Variants in ANO4 observed in about 807,000 individuals in gnomAD.
ANO4 encodes anoctamin-4.
Under a neutral mutation model 141.9 loss-of-function variants are expected in ANO4, and 69 were observed. That is an observed-to-expected ratio of 0.49 (90% CI 0.40 to 0.59). The LOEUF (loss-of-function observed/expected upper bound fraction) is 0.59, where lower values mean the gene tolerates loss of function less well. ANO4 is among the 20% of genes least tolerant of loss of function. ANO4 has a pLI of 0.00. For missense variants in ANO4, 894 were observed against 1,162.2 expected (o/e 0.77, Z 3.36); for synonymous variants, 350 against 394.3 (o/e 0.89, Z 1.33).
At chr12:100,748,717 A>G (rs1327604364) in intron 3 of ANO4, among the ~76,000 whole-genome samples, 1 of 151,970 alleles carries the variant, frequency 6.6e-6, no homozygotes, top group Non-Finnish European at 1.5e-5. Context: ...ACCATTTTCT[A>G]TTATTACATT....
chr12:100,753,403 GT>G (rs2032470069), intron 3 of ANO4, among the ~76,000 whole-genome samples: 2 of 152,150 alleles, frequency 1.3e-5, no homozygotes, highest in Non-Finnish European at 2.9e-5. Context: ...TCAGATCTGA[GT>G]CCTTTAGGCT....
intron 24 of ANO4, among the ~76,000 whole-genome samples, chr12:101,115,685 G>T (rs534578621): frequency 1.3e-5 from 2 of 152,312 alleles, no homozygotes; most frequent in African/African-American, 4.8e-5. Flanking sequence ...ACTGTTTAGA[G>T]ACTTGGAGAA....
Position 100,739,863 on chromosome 12 carries a change from T to C in ANO4, c.116T>C (p.Val39Ala), listed in dbSNP as rs576732808. 8 of 702,546 alleles carry C rather than the reference T, an allele frequency of 1.1e-5. 1 individual carries two copies. The East Asian group carries it at 1.6e-4, about 14-fold the overall frequency. 43.5% of individuals were successfully genotyped at this position (702,546 alleles called of 1,614,324 possible). A position where few individuals can be genotyped will look rare whatever the true frequency, so the allele number is the denominator to read the frequency against. ...ATGTTTATCTCACCAGGTTATGACG[T>C]TGCGGGGCCTGTGGCAATTGGGCTT... Residue 39 changes from valine to alanine, a missense_variant, in exon 3 of 30, where the codon GTT (valine) becomes GCT (alanine). Val to Ala is a moderately conservative substitution (Grantham distance 64). Transcript: ENST00000644049.
chr12:100,913,783 T>G (rs2041217356), intron 2 of ANO4, among the ~76,000 whole-genome samples: 1 of 152,160 alleles, frequency 6.6e-6, no homozygotes, highest in Non-Finnish European at 1.5e-5. Flanking sequence ...GAGCTTTTAT[T>G]TTGCTTGATT....
chr12:101,054,871 T>G (rs1008703538), intron 14 of ANO4, among the ~76,000 whole-genome samples: 1 of 152,244 alleles, frequency 6.6e-6, no homozygotes, highest in Non-Finnish European at 1.5e-5. Context: ...TTTTTACCAC[T>G]GTAGTTTCAG....
chr12:100,724,810 T>A (rs2031033782), intron 1 of ANO4, among the ~76,000 whole-genome samples: 1 of 152,168 alleles, frequency 6.6e-6, no homozygotes, highest in Non-Finnish European at 1.5e-5. Context: ...GAGGAAAGAA[T>A]AGGTCTTGAA....
intron 1 of ANO4, among the ~76,000 whole-genome samples, chr12:100,867,032 A>G (rs1005666611): frequency 1.3e-5 from 2 of 152,158 alleles, no homozygotes; most frequent in Non-Finnish European, 2.9e-5. Context: ...ATCCGCAGTA[A>G]GCAAATGGAT....
chr12:100,724,992 G>C (rs933145043), intron 1 of ANO4, among the ~76,000 whole-genome samples: 15 of 152,162 alleles, frequency 9.9e-5, no homozygotes, highest in Admixed American at 6.5e-4. Flanking sequence ...GATGCAGTAA[G>C]TAGTTATAAC....
intron 14 of ANO4, among the ~76,000 whole-genome samples, chr12:101,052,413 T>C (rs2047910862): frequency 6.6e-6 from 1 of 152,156 alleles, no homozygotes; most frequent in South Asian, 2.1e-4. Context: ...GGGAACTAGA[T>C]GTTGGCAGAG....
intron 1 of ANO4, among the ~76,000 whole-genome samples, chr12:100,807,623 G>A (rs946421273): frequency 2.0e-5 from 3 of 152,056 alleles, no homozygotes; most frequent in Admixed American, 1.3e-4. Context: ...ATAGGTAAAC[G>A]TGTGCCAGGG....
At chr12:100,970,788 A>G (rs1359665160) in intron 5 of ANO4, among the ~76,000 whole-genome samples, 1 of 150,608 alleles carries the variant, frequency 6.6e-6, no homozygotes, top group Admixed American at 6.7e-5. Flanking sequence ...GCACAATCTC[A>G]GCTCACTGCA....
chr12:101,054,198 A>G (rs1270295811), intron 14 of ANO4, among the ~76,000 whole-genome samples: 1 of 107,164 alleles, frequency 9.3e-6, no homozygotes, highest in Non-Finnish European at 1.8e-5. Context: ...GCTATTATAA[A>G]TTGCTCTTTC....
intron 1 of ANO4, among the ~76,000 whole-genome samples, chr12:100,872,151 CATTT>C (rs1304439728): frequency 6.6e-6 from 1 of 152,078 alleles, no homozygotes; most frequent in Non-Finnish European, 1.5e-5. Flanking sequence ...ATTCATTCAA[CATTT>C]ATTGAATACC....
chr12:101,073,400 C>T (rs1173555237), intron 14 of ANO4, among the ~76,000 whole-genome samples: 2 of 152,002 alleles, frequency 1.3e-5, no homozygotes, highest in Non-Finnish European at 2.9e-5. Context: ...GAGCAGGGAA[C>T]ATCACACCCC....
intron 5 of ANO4, among the ~76,000 whole-genome samples, chr12:100,949,490 T>C (rs2042881618): frequency 6.6e-6 from 1 of 152,240 alleles, no homozygotes; most frequent in Non-Finnish European, 1.5e-5. Context: ...CGAGTGCTTA[T>C]CTCTGTGCCT....
chr12:100,780,483 T>C (rs2033680462), intron 3 of ANO4, among the ~76,000 whole-genome samples: 1 of 152,182 alleles, frequency 6.6e-6, no homozygotes, highest in South Asian at 2.1e-4. Context: ...AACTTTCTGG[T>C]CTGGGAAAGG....
At chr12:101,015,976 T>G (rs772814212) in intron 8 of ANO4, among the ~76,000 whole-genome samples, 1 of 152,146 alleles carries the variant, frequency 6.6e-6, no homozygotes, top group Non-Finnish European at 1.5e-5. Flanking sequence ...TTTGAAAGAA[T>G]GACCCAGAAA....
chr12:100,804,669 T>C (rs919923227), intron 1 of ANO4, among the ~76,000 whole-genome samples: 2 of 152,232 alleles, frequency 1.3e-5, no homozygotes, highest in African/African-American at 2.4e-5. Flanking sequence ...TGGTATTTCA[T>C]TGTGGTTTTG....
intron 2 of ANO4, among the ~76,000 whole-genome samples, chr12:100,903,235 G>A (rs181081382): frequency 6.6e-4 from 100 of 152,258 alleles, no homozygotes; most frequent in Admixed American, 1.4e-3. Flanking sequence ...AGACCAAGGT[G>A]GACAACCCAC....
Sources: allele counts gnomAD v4.1 joint callset (sites outside exome capture counted in the v4.1 genomes callset), GRCh38; gene constraint gnomAD v4.1.1; transcripts MANE v1.5; gene names NCBI Gene and HGNC (gene_info 2026-07-23, HGNC 2026-07-21).